PNKD: variants seen among roughly 807,000 people sequenced by gnomAD.
The protein encoded by PNKD is probable thioesterase PNKD.
PNKD carries 36 observed loss-of-function variants against 45.3 expected under a neutral mutation model. That is an observed-to-expected ratio of 0.80 (90% confidence interval 0.61 to 1.05). The LOEUF is 1.05. Ranked by LOEUF, PNKD falls within the 50% of genes least tolerant of loss-of-function variation. PNKD has a pLI of 0.00. For synonymous variants in PNKD, 197 were observed against 210.1 expected (o/e 0.94, Z 0.54); for missense variants, 511 against 506.6 (o/e 1.01, Z -0.08).
In PNKD at chr2:218,302,723, T is replaced by C. The variant is rs1385887739; in HGVS notation, c.236+31174T>C. On this transcript the variant is annotated intron_variant, in intron 2 of 9. Coordinates refer to ENST00000273077, the MANE Select transcript of PNKD (RefSeq NM_015488.5). The stretch of plus-strand genomic sequence containing the variant: ...TCTGTAAAATATTTGAAGAAATTTA[T>C]TCTGAACCAAATATGAGCGACTATG... Among the ~76,000 whole-genome samples, 6 of 152,326 alleles carry C rather than the reference T, an allele frequency of 3.9e-5. 1 individual carries two copies. In the Middle Eastern group the frequency reaches 0.014, roughly 345 times the overall value.
chr2:218,287,901 T>C (rs1412010349), intron 2 of PNKD, among the ~76,000 whole-genome samples: 1 of 152,184 alleles, frequency 6.6e-6, no homozygotes, highest in East Asian at 1.9e-4. Context: ...CACCCTTGTC[T>C]GGAGCAGAAT....
chr2:218,304,111 T>A (rs967249522), intron 2 of PNKD, among the ~76,000 whole-genome samples: 1 of 152,160 alleles, frequency 6.6e-6, no homozygotes, highest in Non-Finnish European at 1.5e-5. Flanking sequence ...CCTCAACCAG[T>A]GGTCACAGCC....
chr2:218,304,797 G>A (rs746479623), intron 2 of PNKD, among the ~76,000 whole-genome samples: 2 of 151,604 alleles, frequency 1.3e-5, no homozygotes, highest in African/African-American at 4.8e-5. Flanking sequence ...GCGACTGGCC[G>A]GGCACAGTGG....
intron 9 of PNKD, 115 bp from the exon 10 acceptor site, chr2:218,344,693 G>A: frequency 7.2e-7 from 1 of 1,395,084 alleles, no homozygotes; most frequent in Non-Finnish European, 1.0e-6. Context: ...TGGCCCATGG[G>A]CCCTCAAGTC....
chr2:218,323,341 T>C (rs781485673), intron 2 of PNKD: 1 of 1,581,166 alleles, frequency 6.3e-7, no homozygotes, highest in Non-Finnish European at 8.6e-7. Flanking sequence ...CTTGTCCTCG[T>C]CCTACTTGTG....
intron 2 of PNKD, among the ~76,000 whole-genome samples, chr2:218,307,595 C>G (rs1019444352): frequency 3.9e-5 from 6 of 152,168 alleles, no homozygotes; most frequent in African/African-American, 1.2e-4. Context: ...GCTGTAAATA[C>G]AGGTAAAGCT....
intron 2 of PNKD, among the ~76,000 whole-genome samples, chr2:218,329,728 C>A (rs1694265736): frequency 6.6e-6 from 1 of 152,282 alleles, no homozygotes; most frequent in South Asian, 2.1e-4. Context: ...GGCATGCTGG[C>A]AACTTCGGGG....
Position 218,341,999 on chromosome 2 carries a change from TGTGGTCAGC to T in PNKD, c.641_649del (p.Val214_Val216del), listed in dbSNP as rs1694691273. 2.5e-6 allele frequency: 4 copies of T among 1,613,616 alleles called. No individual in the cohort carries two copies. In the South Asian group the frequency reaches 3.3e-5, roughly 13 times the overall value. ...TCCCCAGTCCCCTGTGTCATCAAGATGTGGTCAGCGTGGGACGGCTTCAGATCCGGGCCC... is the reference window on the plus strand; with the variant it reads ...TCCCCAGTCCCCTGTGTCATCAAGATGTGGGACGGCTTCAGATCCGGGCCC... On this transcript the variant is annotated inframe_deletion, in exon 7 of 10. Coordinates refer to ENST00000273077, the MANE Select transcript of PNKD (RefSeq NM_015488.5).
chr2:218,301,388 T>C (rs1574676570), intron 2 of PNKD, among the ~76,000 whole-genome samples: 1 of 152,152 alleles, frequency 6.6e-6, no homozygotes, highest in Non-Finnish European at 1.5e-5. Context: ...CATTTACTTT[T>C]AACAAGTCAA....
chr2:218,311,115 A>AT (rs1693602570), intron 2 of PNKD, among the ~76,000 whole-genome samples: 1 of 152,116 alleles, frequency 6.6e-6, no homozygotes, highest in South Asian at 2.1e-4. Context: ...GTAACACATG[A>AT]TTGTACATCC....
chr2:218,317,858 C>G (rs1395828664), intron 2 of PNKD: 1 of 152,168 alleles, frequency 6.6e-6, no homozygotes, highest in Non-Finnish European at 1.5e-5. Flanking sequence ...CCAGATTATC[C>G]CAGTCACCAC....
intron 2 of PNKD, among the ~76,000 whole-genome samples, chr2:218,335,251 G>A (rs1026419667): frequency 2.0e-5 from 3 of 152,180 alleles, no homozygotes; most frequent in Admixed American, 6.5e-5. Flanking sequence ...GGAGACTGAG[G>A]CAGGCAGATC....
chr2:218,318,948 T>TC (rs1693896238), intron 2 of PNKD, among the ~76,000 whole-genome samples: 15 of 119,986 alleles, frequency 1.3e-4, no homozygotes, highest in East Asian at 2.2e-4. Flanking sequence ...CTTTTTTTTT[T>TC]TCTTTTTTTT....
intron 2 of PNKD, among the ~76,000 whole-genome samples, chr2:218,307,940 C>T (rs1693469275): frequency 1.3e-5 from 2 of 151,874 alleles, no homozygotes; most frequent in South Asian, 4.2e-4. Flanking sequence ...GGGGACAGCG[C>T]CAAATTAGGA....
chr2:218,282,608 C>T (rs1692133477), intron 2 of PNKD, among the ~76,000 whole-genome samples: 1 of 152,238 alleles, frequency 6.6e-6, no homozygotes, highest in Non-Finnish European at 1.5e-5. Flanking sequence ...CTGAAAGGGT[C>T]AGCTCTGCCC....
intron 2 of PNKD, among the ~76,000 whole-genome samples, chr2:218,312,155 T>A (rs1269557489): frequency 2.0e-5 from 3 of 152,194 alleles, no homozygotes; most frequent in Non-Finnish European, 4.4e-5. Context: ...TTAGTACAGA[T>A]CAAAATGGAA....
In PNKD at chr2:218,345,019, G is replaced by A. The variant is rs201679687; in HGVS notation, c.*38G>A. 165 of 1,538,500 alleles carry A rather than the reference G, an allele frequency of 1.1e-4. No homozygotes were observed. The African/African-American group carries it at 2.0e-3, about 19-fold the overall frequency. On this transcript the variant is annotated 3_prime_UTR_variant, in exon 10 of 10. Coordinates refer to ENST00000273077, the MANE Select transcript of PNKD (RefSeq NM_015488.5). ...CCCCAGCCCAGCCCACTCCCCGCATGGGGAGGCCGCCACCACCAACACCTC... is the reference window on the plus strand; with the variant it reads ...CCCCAGCCCAGCCCACTCCCCGCATAGGGAGGCCGCCACCACCAACACCTC...
chr2:218,285,541 A>G (rs1349894924), intron 2 of PNKD, among the ~76,000 whole-genome samples: 1 of 152,116 alleles, frequency 6.6e-6, no homozygotes, highest in East Asian at 1.9e-4. Flanking sequence ...CCAGGCTTGG[A>G]GATACATAAA....
chr2:218,341,942 G>A (rs924882276), intron 6 of PNKD, 39 bp from the exon 7 acceptor site: 4 of 1,548,726 alleles, frequency 2.6e-6, no homozygotes, highest in Middle Eastern at 1.7e-4. Context: ...GCATGGCACA[G>A]ATCCAATACC....
Sources: gnomAD v4.1 joint callset for allele counts (sites outside exome capture counted in the v4.1 genomes callset) on GRCh38, gnomAD v4.1.1 for gene constraint, MANE v1.5 for transcripts, NCBI Gene and HGNC (gene_info 2026-07-23, HGNC 2026-07-21) for gene names.